Variants in THSD7B observed in about 807,000 individuals in gnomAD.
THSD7B encodes thrombospondin type 1 domain containing 7B.
A neutral mutation model predicts 213.6 loss-of-function variants in THSD7B; 138 were observed. The ratio of observed to expected loss-of-function variants is 0.65; its 90% CI spans 0.56 to 0.74. The LOEUF (loss-of-function observed/expected upper bound fraction) is 0.74. THSD7B is among the 30% of genes least tolerant of loss of function. THSD7B has a pLI of 0.00. For missense variants in THSD7B, 1,931 were observed against 1,991.5 expected (o/e 0.97, Z 0.58); for synonymous variants, 742 against 687.0 (o/e 1.08, Z -1.25).
intron 17 of THSD7B, among the ~76,000 whole-genome samples, chr2:137,578,120 C>T (rs1681499925): frequency 6.6e-6 from 1 of 152,170 alleles, no homozygotes; most frequent in Non-Finnish European, 1.5e-5. Flanking sequence ...CTTACAATCA[C>T]CATGGCTGTC....
intron 24 of THSD7B, among the ~76,000 whole-genome samples, chr2:137,657,437 T>C (rs991348875): frequency 1.3e-5 from 2 of 152,196 alleles, no homozygotes; most frequent in Non-Finnish European, 2.9e-5. Context: ...AAAAGACAGA[T>C]GCTAGTAAAA....
At chr2:136,983,228 T>C (rs1206461029) in intron 2 of THSD7B, among the ~76,000 whole-genome samples, 2 of 152,214 alleles carry the variant, frequency 1.3e-5, no homozygotes, top group East Asian at 3.9e-4. Flanking sequence ...TGTATATACT[T>C]AGGTGAGGAC....
chr2:136,973,224 A>G (rs978315145), intron 2 of THSD7B, among the ~76,000 whole-genome samples: 3 of 152,156 alleles, frequency 2.0e-5, no homozygotes, highest in South Asian at 2.1e-4. Context: ...GGAGTAAAAG[A>G]TGTCCCATCT....
intron 12 of THSD7B, among the ~76,000 whole-genome samples, chr2:137,392,800 T>C (rs949159967): frequency 3.3e-5 from 5 of 152,182 alleles, no homozygotes; most frequent in African/African-American, 1.2e-4. Context: ...AATACTTACA[T>C]GTGAGGTTTT....
chr2:137,603,887 GATCACCTGA>G (rs1344570404), intron 17 of THSD7B, among the ~76,000 whole-genome samples: 1 of 152,140 alleles, frequency 6.6e-6, no homozygotes, highest in East Asian at 1.9e-4. Context: ...AAGGTGGATG[GATCACCTGA>G]GGTCAGGAGT....
At chr2:137,286,699 G>GGGAGGA (rs1038537728) in intron 12 of THSD7B, among the ~76,000 whole-genome samples, 1 of 151,514 alleles carries the variant, frequency 6.6e-6, no homozygotes, top group Non-Finnish European at 1.5e-5. Flanking sequence ...TTTTGGGTAT[G>GGGAGGA]GGAGGAGGAG....
chr2:137,474,383 C>G (rs570060787), intron 15 of THSD7B, among the ~76,000 whole-genome samples: 1 of 152,148 alleles, frequency 6.6e-6, no homozygotes, highest in South Asian at 2.1e-4. Context: ...TCCCTTTGGT[C>G]TCCCTTTTCT....
chr2:136,982,830 G>T (rs1366974573), intron 2 of THSD7B, among the ~76,000 whole-genome samples: 1 of 152,108 alleles, frequency 6.6e-6, no homozygotes, highest in East Asian at 1.9e-4. Flanking sequence ...GGTTAATTTA[G>T]AAATTTTATA....
intron 12 of THSD7B, among the ~76,000 whole-genome samples, chr2:137,281,253 T>C (rs1236646614): frequency 1.3e-5 from 2 of 152,068 alleles, no homozygotes; most frequent in East Asian, 1.9e-4. Context: ...CTGTTTTTCT[T>C]TGCATTCAAG....
At chr2:137,119,549 GA>G in intron 5 of THSD7B, among the ~76,000 whole-genome samples, 1 of 152,278 alleles carries the variant, frequency 6.6e-6, no homozygotes, top group African/African-American at 2.4e-5. Flanking sequence ...CACATGAAAA[GA>G]AATGGAAAAG....
At position 137,119,960 on chromosome 2, in the gene THSD7B, T is replaced by C. The variant is rs1688518605; in HGVS notation, c.1369+4667T>C. Among the ~76,000 whole-genome samples the C allele has an allele frequency of 2.0e-5, 3 of 152,100 alleles. No individual in the cohort carries two copies. The South Asian group carries it at 6.2e-4, about 32-fold the overall frequency. ...ATATCTTTCACCTGTCTTTAGAAATTGGTTTTAAAGTCAATAAAGTCATTT... is the reference window on the plus strand; with the variant it reads ...ATATCTTTCACCTGTCTTTAGAAATCGGTTTTAAAGTCAATAAAGTCATTT... On this transcript the variant is annotated intron_variant, in intron 5 of 27. Transcript: ENST00000409968.
At chr2:137,262,109 C>T (rs1179830507) in intron 10 of THSD7B, among the ~76,000 whole-genome samples, 3 of 152,122 alleles carry the variant, frequency 2.0e-5, no homozygotes, top group African/African-American at 7.2e-5. Flanking sequence ...TAGCTTCTCT[C>T]TCAAGCTGTC....
At chr2:137,256,184 A>G (rs1411633709) in intron 10 of THSD7B, among the ~76,000 whole-genome samples, 1 of 152,196 alleles carries the variant, frequency 6.6e-6, no homozygotes, top group African/African-American at 2.4e-5. Flanking sequence ...TGTTGAATGA[A>G]TAATAATGGA....
intron 2 of THSD7B, among the ~76,000 whole-genome samples, chr2:136,900,910 A>T (rs1168963428): frequency 6.6e-6 from 1 of 152,204 alleles, no homozygotes; most frequent in Non-Finnish European, 1.5e-5. Context: ...ATATGTTTTT[A>T]GATAAACAAA....
At chr2:136,851,317 A>G (rs376502745) in intron 1 of THSD7B, among the ~76,000 whole-genome samples, 22 of 151,870 alleles carry the variant, frequency 1.4e-4, no homozygotes, top group African/African-American at 5.3e-4. Context: ...TTCTGCTATC[A>G]TTTGCATGGT....
chr2:137,438,657 G>T (rs909955533), intron 14 of THSD7B, among the ~76,000 whole-genome samples: 1 of 152,060 alleles, frequency 6.6e-6, no homozygotes, highest in Admixed American at 6.6e-5. Context: ...GGCAGCTCAC[G>T]TTGAGGTGGG....
intron 11 of THSD7B, among the ~76,000 whole-genome samples, chr2:137,274,851 C>A (rs1682832074): frequency 6.6e-6 from 1 of 152,036 alleles, no homozygotes; most frequent in Non-Finnish European, 1.5e-5. Flanking sequence ...TAGATGATTT[C>A]TTTAAATGTA....
chr2:137,535,897 G>A (rs1381254748), intron 15 of THSD7B, among the ~76,000 whole-genome samples: 2 of 151,396 alleles, frequency 1.3e-5, no homozygotes, highest in African/African-American at 2.4e-5. Context: ...GGAGACAGAC[G>A]TTCTCTTGTC....
chr2:137,331,750 C>A (rs565256758), intron 12 of THSD7B, among the ~76,000 whole-genome samples: 8 of 152,296 alleles, frequency 5.3e-5, no homozygotes, highest in African/African-American at 1.9e-4. Flanking sequence ...CAAGCCCTGC[C>A]CCGAGGGAAG....
Sources: allele counts gnomAD v4.1 joint callset (sites outside exome capture counted in the v4.1 genomes callset), GRCh38; gene constraint gnomAD v4.1.1; transcripts MANE v1.5; gene names NCBI Gene and HGNC (gene_info 2026-07-23, HGNC 2026-07-21).